The following UPK1B variants were observed in gnomAD, a reference collection of about 807,000 sequenced individuals.
UPK1B encodes the protein uroplakin-1b.
UPK1B carries 28 observed loss-of-function variants against 34.2 expected under a neutral mutation model. That is an observed-to-expected ratio of 0.82 (90% CI 0.61 to 1.12). The LOEUF (loss-of-function observed/expected upper bound fraction) is 1.12. UPK1B is among the 50% of genes most tolerant of loss of function. UPK1B has a pLI of 0.00. For synonymous variants in UPK1B, 81 were observed against 110.4 expected (o/e 0.73, Z 1.67); for missense variants, 325 against 320.9 (o/e 1.01, Z -0.10).
intron 1 of UPK1B, among the ~76,000 whole-genome samples, chr3:119,183,774 G>T (rs1042047175): frequency 6.6e-6 from 1 of 152,152 alleles, no homozygotes; most frequent in African/African-American, 2.4e-5. Flanking sequence ...CATCTCTCAG[G>T]TCTGTTGAGA....
chr3:119,179,354 TA>T (rs1484707850), intron 1 of UPK1B, among the ~76,000 whole-genome samples: 6 of 14,528 alleles, frequency 4.1e-4, no homozygotes, highest in Non-Finnish European at 6.0e-4. Flanking sequence ...GAGAGGGAGA[TA>T]TATATATATA....
chr3:119,197,741 A>C (rs2078072915), intron 6 of UPK1B, among the ~76,000 whole-genome samples: 1 of 152,230 alleles, frequency 6.6e-6, no homozygotes. Context: ...ACATGTTACC[A>C]AACAAATACA....
At chr3:119,173,988 T>A (rs2077941173) in intron 1 of UPK1B, among the ~76,000 whole-genome samples, 1 of 151,964 alleles carries the variant, frequency 6.6e-6, no homozygotes, top group African/African-American at 2.4e-5. Context: ...AAATCGCACA[T>A]AGACAGTCAC....
intron 1 of UPK1B, among the ~76,000 whole-genome samples, chr3:119,175,418 C>T (rs1009219766): frequency 5.9e-5 from 9 of 152,114 alleles, no homozygotes; most frequent in African/African-American, 2.2e-4. Flanking sequence ...GAATTTGTGC[C>T]TGATAGCCAT....
chr3:119,188,075 G>A (rs1576868980), intron 3 of UPK1B, 100 bp downstream of exon 3: 1 of 1,279,888 alleles, frequency 7.8e-7, no homozygotes, highest in Non-Finnish European at 1.1e-6. Context: ...GGGGGAGCAG[G>A]AAGTACCAGA....
chr3:119,179,375 ATATATATATATATATATATATAT>A (rs1450487335), intron 1 of UPK1B, among the ~76,000 whole-genome samples: 1 of 80,744 alleles, frequency 1.2e-5, no homozygotes, highest in Non-Finnish European at 2.7e-5. Flanking sequence ...ATATATATAT[ATATATATATATATATATATATAT>A]TAATTCTAAG....
rs1321169918 is a variant in UPK1B at position 119,204,837 on chromosome 3, T to C, written c.*870T>C. 2 of 152,244 alleles carry C rather than the reference T, an allele frequency of 1.3e-5. No homozygotes were observed. Among genetic ancestry groups the C allele is most frequent in the Non-Finnish European group, 2.9e-5 (2 of 68,100 alleles). The allele number at this position is 152,244 out of a possible 1,614,324, so 9.4% of individuals were successfully genotyped here. On this transcript the variant is annotated 3_prime_UTR_variant, in exon 8 of 8. Coordinates refer to ENST00000264234, the MANE Select transcript of UPK1B (RefSeq NM_006952.4). ...TGCAGTGAGCTGAGATCGTACCTATTGCACTCCATCCTGGATGAAAGAGCC... is the reference window on the plus strand; with the variant it reads ...TGCAGTGAGCTGAGATCGTACCTATCGCACTCCATCCTGGATGAAAGAGCC...
intron 1 of UPK1B, among the ~76,000 whole-genome samples, chr3:119,173,965 A>G (rs1267676347): frequency 1.3e-5 from 2 of 152,182 alleles, no homozygotes; most frequent in Non-Finnish European, 2.9e-5. Context: ...GAGAAACCCT[A>G]TATCTCCTGA....
intron 6 of UPK1B, among the ~76,000 whole-genome samples, chr3:119,195,763 T>C (rs2078064077): frequency 6.6e-6 from 1 of 152,246 alleles, no homozygotes; most frequent in South Asian, 2.1e-4. Context: ...GACATTTGTC[T>C]TCAGATAACC....
At chr3:119,176,966 G>C (rs1257120712) in intron 1 of UPK1B, among the ~76,000 whole-genome samples, 1 of 152,156 alleles carries the variant, frequency 6.6e-6, no homozygotes, top group Non-Finnish European at 1.5e-5. Context: ...TGTCTTTTTA[G>C]GTTCTACCCT....
chr3:119,174,320 A>G (rs575727078), intron 1 of UPK1B, among the ~76,000 whole-genome samples: 1 of 152,374 alleles, frequency 6.6e-6, no homozygotes, highest in South Asian at 2.1e-4. Flanking sequence ...TCTGCAGGAC[A>G]TAAAGATATT....
intron 2 of UPK1B, 92 bp downstream of exon 2, chr3:119,186,902 T>A (rs2078021678): frequency 7.6e-7 from 1 of 1,310,436 alleles, no homozygotes; most frequent in South Asian, 1.3e-5. Context: ...AAAATAATGC[T>A]GTGATTACTG....
At chr3:119,203,353 A>ACAAAAACAAAAAC (rs199960793) in intron 7 of UPK1B, among the ~76,000 whole-genome samples, 1 of 149,460 alleles carries the variant, frequency 6.7e-6, no homozygotes, top group African/African-American at 2.5e-5. Flanking sequence ...AAAAAAAAAA[A>ACAAAAACAAAAAC]AAAAAAAAAA....
chr3:119,204,095 T>A lies in UPK1B; in HGVS notation c.*128T>A. On this transcript the variant is annotated 3_prime_UTR_variant, in exon 8 of 8. Transcript: ENST00000264234. ...GTGTGTCTTACATTGCCAAGTCAGA[T>A]GGTACGGACTTCCTTTAGGATCTCA... 3 of 1,023,140 alleles carry A rather than the reference T, an allele frequency of 2.9e-6. No individual in the cohort carries two copies. In the South Asian group the frequency reaches 4.3e-5, roughly 15 times the overall value. The allele number at this position is 1,023,140 out of a possible 1,614,324, so 63.4% of individuals were successfully genotyped here.
chr3:119,186,364 G>T (rs1336936813), intron 1 of UPK1B, among the ~76,000 whole-genome samples: 3 of 152,178 alleles, frequency 2.0e-5, no homozygotes, highest in Admixed American at 2.0e-4. Context: ...GGCAGTGAGG[G>T]CTATGCCAGG....
At chr3:119,183,755 T>C (rs2078000141) in intron 1 of UPK1B, among the ~76,000 whole-genome samples, 1 of 152,194 alleles carries the variant, frequency 6.6e-6, no homozygotes, top group Admixed American at 6.5e-5. Context: ...AATGCAGACC[T>C]GAAAAACCCA....
chr3:119,175,026 T>A (rs1576864007), intron 1 of UPK1B, among the ~76,000 whole-genome samples: 5 of 67,526 alleles, frequency 7.4e-5, no homozygotes, highest in African/African-American at 3.3e-4. Context: ...TTTTTTTTTT[T>A]TTTTTTTTTT....
Position 119,180,603 on chromosome 3 carries a change from C to A in UPK1B, c.-28-6111C>A, listed in dbSNP as rs533814279. On this transcript the variant is annotated intron_variant, in intron 1 of 7. Transcript: ENST00000264234. ...TATATTCTGTGTATAGAGAAGTCAC[C>A]ATTTGTCCTTCCCTTTTGTTCTTTC... 2.8e-4 allele frequency among the ~76,000 whole-genome samples: 43 copies of A among 152,264 alleles called. 1 individual carries two copies. The highest frequency in any genetic ancestry group is 8.2e-4 in the African/African-American group (34 of 41,558).
chr3:119,192,079 T>C (rs559673983), intron 5 of UPK1B, among the ~76,000 whole-genome samples: 7 of 152,242 alleles, frequency 4.6e-5, no homozygotes, highest in Non-Finnish European at 1.0e-4. Flanking sequence ...TCCACCCTCT[T>C]CCATGACCAT....
Sources: allele counts gnomAD v4.1 joint callset (sites outside exome capture counted in the v4.1 genomes callset), GRCh38; gene constraint gnomAD v4.1.1; transcripts MANE v1.5; gene names NCBI Gene and HGNC (gene_info 2026-07-23, HGNC 2026-07-21).